ELOVL6: variants seen among roughly 807,000 people sequenced by gnomAD.
ELOVL6 encodes the protein very long chain fatty acid elongase 6.
A neutral mutation model predicts 31.7 loss-of-function variants in ELOVL6; 8 were observed. The ratio of observed to expected loss-of-function variants is 0.25; its 90% CI spans 0.15 to 0.45. The LOEUF is 0.45. ELOVL6 is among the 20% of genes least tolerant of loss of function. The pLI is 1.00. For missense variants in ELOVL6, 126 were observed against 326.4 expected, an observed-to-expected ratio of 0.39 and a Z score of 4.73; for synonymous variants, 101 against 117.7, an observed-to-expected ratio of 0.86 and a Z score of 0.92.
chr4:110,166,382 GC>G (rs1282489136), intron 1 of ELOVL6, among the ~76,000 whole-genome samples: 1 of 152,098 alleles, frequency 6.6e-6, no homozygotes, highest in African/African-American at 2.4e-5. Flanking sequence ...GGAGGCCAAG[GC>G]AGGTGGATCA....
At chr4:110,159,907 T>C (rs1458158787) in intron 1 of ELOVL6, among the ~76,000 whole-genome samples, 1 of 152,210 alleles carries the variant, frequency 6.6e-6, no homozygotes, top group Non-Finnish European at 1.5e-5. Flanking sequence ...TTCACATGTC[T>C]ACTGAAAGAA....
intron 1 of ELOVL6, among the ~76,000 whole-genome samples, chr4:110,186,260 C>T (rs1578288341): frequency 1.3e-5 from 2 of 152,154 alleles, no homozygotes; most frequent in South Asian, 4.2e-4. Flanking sequence ...AAGTAGGTGA[C>T]TATTCCTGCT....
intron 1 of ELOVL6, among the ~76,000 whole-genome samples, chr4:110,175,154 C>A (rs1223925857): frequency 6.6e-6 from 1 of 151,886 alleles, no homozygotes; most frequent in Non-Finnish European, 1.5e-5. Flanking sequence ...GAGGCTGAGG[C>A]GGGCAGATCA....
At chr4:110,118,782 G>A (rs1234725317) in intron 1 of ELOVL6, among the ~76,000 whole-genome samples, 1 of 152,164 alleles carries the variant, frequency 6.6e-6, no homozygotes, top group Non-Finnish European at 1.5e-5. Context: ...AAAATTGAGA[G>A]TAGGCCAGAT....
At chr4:110,064,090 A>G (rs1560802875) in intron 2 of ELOVL6, among the ~76,000 whole-genome samples, 1 of 150,228 alleles carries the variant, frequency 6.7e-6, no homozygotes, top group African/African-American at 2.5e-5. Flanking sequence ...AAAAAAAAAA[A>G]AAAAGAAAGA....
intron 1 of ELOVL6, among the ~76,000 whole-genome samples, chr4:110,181,241 G>A (rs1759263088): frequency 1.3e-5 from 2 of 152,080 alleles, no homozygotes; most frequent in African/African-American, 4.8e-5. Context: ...GACTCCAGGA[G>A]TTCAAGACCA....
chr4:110,158,822 G>A (rs773918650), intron 1 of ELOVL6, among the ~76,000 whole-genome samples: 180 of 151,508 alleles, frequency 1.2e-3, no homozygotes, highest in Non-Finnish European at 2.1e-3. Context: ...CACTATGCCC[G>A]GCTAATTTCT....
chr4:110,169,637 G>GGT (rs904092560), intron 1 of ELOVL6, among the ~76,000 whole-genome samples: 4 of 151,876 alleles, frequency 2.6e-5, no homozygotes, highest in African/African-American at 9.7e-5. Context: ...AAGGATTCAC[G>GGT]GTGTGTGTGT....
chr4:110,149,928 C>T (rs1758235704), intron 1 of ELOVL6, among the ~76,000 whole-genome samples: 1 of 152,124 alleles, frequency 6.6e-6, no homozygotes, highest in Non-Finnish European at 1.5e-5. Flanking sequence ...TAAATGCCTT[C>T]TTAAATCTTG....
At chr4:110,141,646 G>T (rs1320331997) in intron 1 of ELOVL6, among the ~76,000 whole-genome samples, 1 of 149,154 alleles carries the variant, frequency 6.7e-6, no homozygotes, top group Non-Finnish European at 1.5e-5. Context: ...ATATTGTATT[G>T]TATTGTATTA....
At chr4:110,089,057 G>C (rs147408716) in intron 2 of ELOVL6, among the ~76,000 whole-genome samples, 50 of 152,244 alleles carry the variant, frequency 3.3e-4, no homozygotes, top group African/African-American at 1.1e-3. Context: ...CCAAAAATCA[G>C]ATCTACCCAT....
At chr4:110,192,335 C>T (rs1021233070) in intron 1 of ELOVL6, among the ~76,000 whole-genome samples, 4 of 151,984 alleles carry the variant, frequency 2.6e-5, no homozygotes, top group Non-Finnish European at 2.9e-5. Flanking sequence ...CAGAAGGTTA[C>T]GAGGAAGATT....
intron 1 of ELOVL6, among the ~76,000 whole-genome samples, chr4:110,122,360 A>T (rs1366042527): frequency 1.3e-5 from 2 of 152,170 alleles, no homozygotes; most frequent in Non-Finnish European, 2.9e-5. Flanking sequence ...ATTTGGCATC[A>T]TCTCTAAGAT....
At chr4:110,091,209 T>A (rs1032121596) in intron 2 of ELOVL6, among the ~76,000 whole-genome samples, 4 of 152,098 alleles carry the variant, frequency 2.6e-5, no homozygotes, top group Non-Finnish European at 4.4e-5. Context: ...ATTCTAGAGG[T>A]GTCAATTAGA....
At position 110,166,430 on chromosome 4, in the gene ELOVL6, C is replaced by T. The variant is rs142334538; in HGVS notation, c.89+31817G>A. Among the ~76,000 whole-genome samples, 190 of 152,124 alleles carry T rather than the reference C, an allele frequency of 1.2e-3. 2 individuals are homozygous for T. The East Asian group carries it at 0.034, about 27-fold the overall frequency. On this transcript the variant is annotated intron_variant, in intron 1 of 3. Coordinates refer to ENST00000302274, the MANE Select transcript of ELOVL6 (RefSeq NM_024090.3). Reference sequence around the variant, plus strand: ...GATCGAGACCATCCCGGCCAACAACCGTGAAACCCCATCTCTACTAAAAAT... The same window carrying T: ...GATCGAGACCATCCCGGCCAACAACTGTGAAACCCCATCTCTACTAAAAAT...
intron 2 of ELOVL6, among the ~76,000 whole-genome samples, chr4:110,085,917 A>AT (rs1756251315): frequency 6.6e-6 from 1 of 152,118 alleles, no homozygotes; most frequent in Admixed American, 6.5e-5. Context: ...GGGTTTCGCC[A>AT]TGTTGCGATC....
intron 2 of ELOVL6, among the ~76,000 whole-genome samples, chr4:110,095,120 A>G (rs528932672): frequency 6.6e-6 from 1 of 152,344 alleles, no homozygotes; most frequent in South Asian, 2.1e-4. Flanking sequence ...AGTCTAAGCA[A>G]TAACTAAGAT....
chr4:110,059,568 A>C, intron 3 of ELOVL6, 35 bp downstream of exon 3: 1 of 1,595,166 alleles, frequency 6.3e-7, no homozygotes, highest in Non-Finnish European at 8.6e-7. Flanking sequence ...ATGTTGCTAC[A>C]AAGAGAGGGA....
chr4:110,128,319 A>C (rs1162797885), intron 1 of ELOVL6, among the ~76,000 whole-genome samples: 4 of 152,220 alleles, frequency 2.6e-5, no homozygotes, highest in Non-Finnish European at 4.4e-5. Flanking sequence ...AGTGGAAGCA[A>C]GATCATGAGG....
Sources: gnomAD v4.1 joint callset for allele counts (sites outside exome capture counted in the v4.1 genomes callset) on GRCh38, gnomAD v4.1.1 for gene constraint, MANE v1.5 for transcripts, NCBI Gene and HGNC (gene_info 2026-07-23, HGNC 2026-07-21) for gene names.